Variants in OLFM3 observed in about 807,000 individuals in gnomAD.
OLFM3 encodes noelin-3.
OLFM3 carries 20 observed loss-of-function variants against 48.6 expected under a neutral mutation model. That is an observed-to-expected ratio of 0.41 (90% confidence interval 0.29 to 0.60). OLFM3 has a LOEUF of 0.60. OLFM3 is among the 20% of genes least tolerant of loss of function. The pLI, the probability that OLFM3 is intolerant of heterozygous loss-of-function variation, is 0.28. For missense variants in OLFM3, 437 were observed against 544.3 expected, an observed-to-expected ratio of 0.80 and a Z score of 1.96; for synonymous variants, 222 against 198.1, an observed-to-expected ratio of 1.12 and a Z score of -1.01.
chr1:101,825,520 G>A (rs1654820440), intron 3 of OLFM3, among the ~76,000 whole-genome samples: 1 of 152,014 alleles, frequency 6.6e-6, no homozygotes, highest in South Asian at 2.1e-4. Flanking sequence ...ACTTCCTATG[G>A]TAGAAACTAG....
At chr1:101,830,931 A>G in intron 2 of OLFM3, 104 bp from the exon 3 acceptor site, 1 of 919,034 alleles carries the variant, frequency 1.1e-6, no homozygotes. Flanking sequence ...AGAAGTGCCA[A>G]ATTCATAACT....
intron 1 of OLFM3, among the ~76,000 whole-genome samples, chr1:101,892,235 C>T: frequency 7.1e-6 from 1 of 140,394 alleles, no homozygotes; most frequent in African/African-American, 2.6e-5. Context: ...GTTCTAGTCT[C>T]AGTTCGGTAT....
At position 101,910,133 on chromosome 1, in the gene OLFM3, C is replaced by A; in HGVS notation, c.70-73108G>T. On this transcript the variant is annotated intron_variant, in intron 1 of 5. Transcript: ENST00000370103. Reference sequence around the variant, plus strand: ...AGCTTTACAGTTAAATAATCCTCTTCATCATCACAAGATGTTTATCGAGTA... The same window carrying A: ...AGCTTTACAGTTAAATAATCCTCTTAATCATCACAAGATGTTTATCGAGTA... 8.1e-6 allele frequency: 8 copies of A among 985,346 alleles called. No individual in the cohort carries two copies. The South Asian group carries it at 3.8e-4, about 46-fold the overall frequency. The allele number at this position is 985,346 out of a possible 1,614,324, so 61.0% of individuals were successfully genotyped here.
At chr1:101,986,507 A>G (rs1335700928) in intron 1 of OLFM3, among the ~76,000 whole-genome samples, 2 of 152,170 alleles carry the variant, frequency 1.3e-5, no homozygotes, top group Non-Finnish European at 2.9e-5. Context: ...CCTATTTAGT[A>G]TATGATTTTC....
chr1:101,867,810 C>T (rs914619115), intron 1 of OLFM3, among the ~76,000 whole-genome samples: 1 of 152,186 alleles, frequency 6.6e-6, no homozygotes, highest in African/African-American at 2.4e-5. Flanking sequence ...TGTCCCCATC[C>T]AAATCTCATC....
At position 101,869,627 on chromosome 1, in the gene OLFM3, G is replaced by T. The variant is rs138360269; in HGVS notation, c.70-32602C>A. Reference sequence around the variant, plus strand: ...GTACATGAAATTTGGGAGGGAGCAGGGGCAGAACGATATGTTATGGCTGTG... The same window carrying T: ...GTACATGAAATTTGGGAGGGAGCAGTGGCAGAACGATATGTTATGGCTGTG... On this transcript the variant is annotated intron_variant, in intron 1 of 5. Transcript: ENST00000370103. Among the ~76,000 whole-genome samples, 39 of 152,144 alleles carry T rather than the reference G, an allele frequency of 2.6e-4. No homozygotes were observed. The East Asian group carries it at 7.5e-3, about 29-fold the overall frequency.
chr1:101,822,476 G>A (rs1263801765), intron 4 of OLFM3, among the ~76,000 whole-genome samples: 1 of 152,092 alleles, frequency 6.6e-6, no homozygotes, highest in East Asian at 1.9e-4. Flanking sequence ...GCTAGGAAGA[G>A]TGAATTGATT....
intron 1 of OLFM3, among the ~76,000 whole-genome samples, chr1:101,951,956 T>G: frequency 6.6e-6 from 1 of 152,252 alleles, no homozygotes; most frequent in East Asian, 1.9e-4. Context: ...TTCTTTTAAA[T>G]AAAACTAAAA....
intron 1 of OLFM3, among the ~76,000 whole-genome samples, chr1:101,896,792 A>T (rs1658225157): frequency 6.7e-6 from 1 of 149,002 alleles, no homozygotes; most frequent in Non-Finnish European, 1.5e-5. Context: ...CAATATTTCC[A>T]TTCTCTGATC....
chr1:101,830,685 G>A lies in OLFM3; in HGVS notation c.359C>T (p.Thr120Ile). ...QIEDDRKTLM[T>I]KHFQELKEKM... Reference sequence around the variant, plus strand: ...AGTCAAACCTACCTGAAAATGCTTGGTCATAAGTGTCTTTCGATCATCTTC... The same window carrying A: ...AGTCAAACCTACCTGAAAATGCTTGATCATAAGTGTCTTTCGATCATCTTC... Residue 120 changes from threonine (T) to isoleucine (I), a missense_variant, in exon 3 of 6, where the codon ACC becomes ATC. Physicochemically the swap from Thr to Ile is moderately conservative, Grantham distance 89. Transcript: ENST00000370103. 6.2e-7 allele frequency: 1 copy of A among 1,614,130 alleles called. No individual in the cohort carries two copies.
chr1:101,955,528 C>T (rs1339456498), intron 1 of OLFM3, among the ~76,000 whole-genome samples: 1 of 151,362 alleles, frequency 6.6e-6, no homozygotes, highest in African/African-American at 2.4e-5. Flanking sequence ...CTGCTAATGC[C>T]CATCCATCTT....
intron 1 of OLFM3, among the ~76,000 whole-genome samples, chr1:101,890,841 T>A (rs533643558): frequency 6.6e-6 from 1 of 151,928 alleles, no homozygotes; most frequent in Non-Finnish European, 1.5e-5. Flanking sequence ...TTGGGAAGAT[T>A]TGAGTACTAA....
At position 101,837,035 on chromosome 1, in the gene OLFM3, C is replaced by A. The variant is rs546392676; in HGVS notation, c.70-10G>T. The A allele has an allele frequency of 1.9e-6, 3 of 1,602,312 alleles. No individual in the cohort carries two copies. Among genetic ancestry groups the A allele is most frequent in the South Asian group, 2.2e-5 (2 of 89,170 alleles). On this transcript the variant is annotated splice_polypyrimidine_tract_variant and intron_variant, in intron 1 of 5. Transcript: ENST00000370103. ...TAGGACTAATCTGAGTCTGAGGAAACCAAAGGGAAACATAAAACACAGACT... is the reference window on the plus strand; with the variant it reads ...TAGGACTAATCTGAGTCTGAGGAAAACAAAGGGAAACATAAAACACAGACT...
At chr1:101,916,162 T>C (rs1227411922) in intron 1 of OLFM3, among the ~76,000 whole-genome samples, 3 of 152,190 alleles carry the variant, frequency 2.0e-5, no homozygotes, top group Non-Finnish European at 2.9e-5. Context: ...ATAATAGTTA[T>C]TGTGAATTGT....
intron 1 of OLFM3, among the ~76,000 whole-genome samples, chr1:101,940,087 A>G (rs1237141249): frequency 6.6e-6 from 1 of 152,110 alleles, no homozygotes. Flanking sequence ...GGCCAGTAGG[A>G]GTGTAATAGA....
intron 1 of OLFM3, among the ~76,000 whole-genome samples, chr1:101,968,111 T>C (rs1660670517): frequency 6.6e-6 from 1 of 152,192 alleles, no homozygotes; most frequent in Non-Finnish European, 1.5e-5. Flanking sequence ...AACGAGTGGC[T>C]TACCATTCTG....
intron 1 of OLFM3, among the ~76,000 whole-genome samples, chr1:101,938,446 C>A (rs982316284): frequency 3.9e-5 from 6 of 152,194 alleles, no homozygotes; most frequent in African/African-American, 1.4e-4. Flanking sequence ...AACACATTCT[C>A]CACTTTCGCC....
At chr1:101,893,139 AG>A in intron 1 of OLFM3, 1 of 227,272 alleles carries the variant, frequency 4.4e-6, no homozygotes, top group Non-Finnish European at 8.8e-6. Flanking sequence ...GAAATGTAAA[AG>A]TGTTGTACAC....
intron 1 of OLFM3, among the ~76,000 whole-genome samples, chr1:101,962,635 C>CA (rs201785148): frequency 2.0e-3 from 309 of 151,284 alleles, no homozygotes; most frequent in African/African-American, 4.9e-3. Flanking sequence ...AAAATTACTT[C>CA]AAAAAACAAA....
Sources: allele counts gnomAD v4.1 joint callset (sites outside exome capture counted in the v4.1 genomes callset), GRCh38; gene constraint gnomAD v4.1.1; transcripts MANE v1.5; gene names NCBI Gene and HGNC (gene_info 2026-07-23, HGNC 2026-07-21).